The following CNOT1 variants were observed in gnomAD, a reference collection of about 807,000 sequenced individuals.
CNOT1 encodes the protein CCR4-associated factor 1.
CNOT1 carries 15 observed loss-of-function variants against 273.8 expected under a neutral mutation model. The ratio of observed to expected loss-of-function variants is 0.05; its 90% CI spans 0.04 to 0.08. CNOT1 has a LOEUF of 0.08. Among genes scored for constraint, CNOT1 ranks in the 10% least tolerant of loss-of-function variants. The probability of loss-of-function intolerance (pLI) is 1.00; values close to 1 mark genes in which losing one functional copy is unlikely to be tolerated. For missense variants in CNOT1, 1,644 were observed against 2,912.2 expected, an observed-to-expected ratio of 0.56 and a Z score of 10.02; for synonymous variants, 1,022 against 1,005.5, an observed-to-expected ratio of 1.02 and a Z score of -0.31.
At chr16:58,557,020 T>C in intron 18 of CNOT1, 27 bp from the exon 19 acceptor site, 1 of 1,607,332 alleles carries the variant, frequency 6.2e-7, no homozygotes, top group Non-Finnish European at 8.5e-7. Flanking sequence ...CAGCCACAAA[T>C]CCTATCATTA....
chr16:58,560,383 TA>T (rs745376898), intron 16 of CNOT1, 21 bp from the exon 17 acceptor site: 1 of 1,608,648 alleles, frequency 6.2e-7, no homozygotes, highest in Non-Finnish European at 8.5e-7. Context: ...GGGGAAAAGG[TA>T]AAAAATATCA....
In CNOT1 at chr16:58,574,675, G is replaced by A; in HGVS notation, c.1913C>T (p.Pro638Leu). 6.2e-7 allele frequency: 1 copy of A among 1,609,656 alleles called. No homozygotes were observed. The highest frequency in any genetic ancestry group is 1.1e-5 in the South Asian group (1 of 90,506). Residue 638 changes from proline to leucine, a missense_variant, in exon 16 of 49, where the codon CCC becomes CTC. By Grantham distance (98) the Pro-to-Leu change is moderately conservative. Coordinates refer to ENST00000317147, the MANE Select transcript of CNOT1 (RefSeq NM_016284.5). ...LGGLAPEKDQ[P>L]KSAQLPPETL... is the part of the protein sequence containing the mutation. ...TTCTGGAGGAAGTTGAGCACTTTTG[G>A]GCTGGTCTTTTTCTGGGGCAAGTCC...
At chr16:58,526,278 A>G (rs959769366) in intron 44 of CNOT1, 140 bp from the exon 45 acceptor site, 1 of 763,854 alleles carries the variant, frequency 1.3e-6, no homozygotes, top group African/African-American at 1.8e-5. Context: ...ACATTTTATT[A>G]ATCAGTCTTT....
intron 2 of CNOT1, among the ~76,000 whole-genome samples, chr16:58,591,114 CCAGGGA>C (rs1248814839): frequency 6.6e-6 from 1 of 152,046 alleles, no homozygotes; most frequent in East Asian, 1.9e-4. Context: ...AAAGAACAAT[CCAGGGA>C]GAAGGAAAAA....
chr16:58,625,364 T>C (rs1482281742), intron 1 of CNOT1, among the ~76,000 whole-genome samples: 2 of 152,068 alleles, frequency 1.3e-5, no homozygotes, highest in Admixed American at 6.6e-5. Flanking sequence ...TACAAAAAAT[T>C]AGCCGGGCAT....
chr16:58,602,648 T>C (rs1478447477), intron 1 of CNOT1, among the ~76,000 whole-genome samples: 1 of 149,458 alleles, frequency 6.7e-6, no homozygotes, highest in Non-Finnish European at 1.5e-5. Flanking sequence ...GGAGAATCAC[T>C]TAAACCCAGG....
intron 1 of CNOT1, among the ~76,000 whole-genome samples, chr16:58,601,056 C>T (rs2042443537): frequency 6.6e-6 from 1 of 152,210 alleles, no homozygotes; most frequent in Admixed American, 6.5e-5. Context: ...CTGGGTTCAA[C>T]TGATCCTCCT....
chr16:58,609,895 A>G (rs1001878911), intron 1 of CNOT1, among the ~76,000 whole-genome samples: 1 of 150,996 alleles, frequency 6.6e-6, no homozygotes, highest in Non-Finnish European at 1.5e-5. Flanking sequence ...ATATAATAAT[A>G]CATTAACATG....
rs2039324150 is a variant in CNOT1 at position 58,520,281 on chromosome 16, C to CT, written c.*676dup. On this transcript the variant is annotated 3_prime_UTR_variant, in exon 49 of 49. Transcript: ENST00000317147. ...GGGCTTTAGGCCTGGTCTGGTTTCC[C>CT]TTTATATAAAGAGCTGACCCCCATC... 1 of 152,130 alleles carries CT rather than the reference C, an allele frequency of 6.6e-6. No homozygotes were observed. The highest frequency in any genetic ancestry group is 1.5e-5 in the Non-Finnish European group (1 of 68,096). 9.4% of individuals were successfully genotyped at this position (152,130 alleles called of 1,614,324 possible).
In CNOT1 at chr16:58,525,439, T is replaced by A; in HGVS notation, c.6604-80A>T. On this transcript the variant is annotated intron_variant, in intron 45 of 48. Coordinates refer to ENST00000317147, the MANE Select transcript of CNOT1 (RefSeq NM_016284.5). Reference sequence around the variant, plus strand: ...TAGCACCAGTATTTCTAAACCCTTCTTACACCTTCATGGAAAGGCCAAACA... The same window carrying A: ...TAGCACCAGTATTTCTAAACCCTTCATACACCTTCATGGAAAGGCCAAACA... 6 of 1,237,768 alleles carry A rather than the reference T, an allele frequency of 4.8e-6. No individual in the cohort carries two copies. The South Asian group carries it at 5.4e-5, about 11-fold the overall frequency. The allele number at this position is 1,237,768 out of a possible 1,614,324, so 76.7% of individuals were successfully genotyped here.
At chr16:58,562,789 C>T (rs76579437) in intron 16 of CNOT1, among the ~76,000 whole-genome samples, 1,954 of 152,220 alleles carry the variant, frequency 0.013, 45 homozygotes, top group African/African-American at 0.045. Context: ...CGCCACTGCA[C>T]TCCAGCCTGG....
chr16:58,578,616 T>C (rs77054947), intron 13 of CNOT1, 83 bp downstream of exon 13: 34 of 1,509,894 alleles, frequency 2.3e-5, no homozygotes, highest in Non-Finnish European at 2.9e-5. Flanking sequence ...TAAAAAAAAA[T>C]TTCTCTGGTT....
chr16:58,546,874 A>G, intron 27 of CNOT1, 125 bp from the exon 28 acceptor site: 1 of 1,245,798 alleles, frequency 8.0e-7, no homozygotes, highest in Non-Finnish European at 1.1e-6. Context: ...AAAAACAAGG[A>G]TTAAAAAATA....
At chr16:58,595,434 A>C (rs2042220669) in intron 2 of CNOT1, among the ~76,000 whole-genome samples, 1 of 151,410 alleles carries the variant, frequency 6.6e-6, no homozygotes, top group African/African-American at 2.4e-5. Context: ...AAAAAAAAAA[A>C]AAAAAAACTC....
In CNOT1 at chr16:58,560,188, G is replaced by A. The variant is rs373799436; in HGVS notation, c.2130+24C>T. 1.1e-5 allele frequency: 17 copies of A among 1,609,534 alleles called. No homozygotes were observed. The African/African-American group carries it at 1.5e-4, about 14-fold the overall frequency. On this transcript the variant is annotated intron_variant, in intron 17 of 48. Coordinates refer to ENST00000317147, the MANE Select transcript of CNOT1 (RefSeq NM_016284.5). ...TTCCAAATCTATGGCAAATGAAGAT[G>A]TATCAAATGTAGCACTCATTTACCT...
Position 58,587,828 on chromosome 16 carries a change from A to G in CNOT1, c.261T>C (p.Phe87=). The G allele has an allele frequency of 6.2e-7, 1 of 1,613,904 alleles. No homozygotes were observed. ...ECALLITKPN[F]ISTLSYAIDN... is the part of the protein sequence containing the mutation. ...CAATGGCATAGGACAGCGTCGAGAT[A>G]AAATTTGGCTTTGTAATCAGCAACG... Residue 87 remains phenylalanine, a synonymous_variant, in exon 4 of 49, where the codon TTT becomes TTC. Coordinates refer to ENST00000317147, the MANE Select transcript of CNOT1 (RefSeq NM_016284.5).
At chr16:58,617,064 TAA>T (rs2043114652) in intron 1 of CNOT1, among the ~76,000 whole-genome samples, 1 of 152,150 alleles carries the variant, frequency 6.6e-6, no homozygotes, top group Admixed American at 6.6e-5. Flanking sequence ...AGGATGAAAT[TAA>T]ACATCTTGCA....
At chr16:58,557,147 C>A (rs184187667) in intron 18 of CNOT1, among the ~76,000 whole-genome samples, 154 bp from the exon 19 acceptor site, 1 of 152,202 alleles carries the variant, frequency 6.6e-6, no homozygotes, top group Non-Finnish European at 1.5e-5. Context: ...CTTATTACAT[C>A]TATTCAATTT....
At chr16:58,585,263 T>TA in intron 8 of CNOT1, 75 bp downstream of exon 8, 11 of 1,579,706 alleles carry the variant, frequency 7.0e-6, no homozygotes, top group Non-Finnish European at 9.4e-6. Flanking sequence ...TAAGGAATTT[T>TA]AGAGACTTTT....
Sources: gnomAD v4.1 joint callset for allele counts (sites outside exome capture counted in the v4.1 genomes callset) on GRCh38, gnomAD v4.1.1 for gene constraint, MANE v1.5 for transcripts, NCBI Gene and HGNC (gene_info 2026-07-23, HGNC 2026-07-21) for gene names.